Variants in TMEM184C observed in about 807,000 individuals in gnomAD.
TMEM184C encodes transmembrane protein 184C, also known as transmembrane protein 34.
TMEM184C carries 25 observed loss-of-function variants against 54.5 expected under a neutral mutation model. The observed-to-expected ratio is 0.46, with a 90% confidence interval of 0.33 to 0.64. The LOEUF (loss-of-function observed/expected upper bound fraction) is 0.64, where lower values mean the gene tolerates loss of function less well. Ranked by LOEUF, TMEM184C falls within the 30% of genes least tolerant of loss-of-function variation. The pLI, the probability that TMEM184C is intolerant of heterozygous loss-of-function variation, is 0.02. For synonymous variants in TMEM184C, 148 were observed against 181.5 expected (o/e 0.82, Z 1.49); for missense variants, 335 against 520.3 (o/e 0.64, Z 3.46).
At position 147,635,841 on chromosome 4, in the gene TMEM184C, TAAATAATGA is replaced by T. The variant is rs1733026367; in HGVS notation, c.*1417_*1425del. 2 of 152,166 alleles carry T rather than the reference TAAATAATGA, an allele frequency of 1.3e-5. No homozygotes were observed. Among genetic ancestry groups the T allele is most frequent in the South Asian group, 2.1e-4 (1 of 4,820 alleles). 9.4% of individuals were successfully genotyped at this position (152,166 alleles called of 1,614,324 possible). A position where few individuals can be genotyped will look rare whatever the true frequency, so the allele number is the denominator to read the frequency against. On this transcript the variant is annotated 3_prime_UTR_variant, in exon 10 of 10. Transcript: ENST00000296582. ...CAAAAAGCATTAGCATTTTTATACA[TAAATAATGA>T]AAATAATGACCTAACTGAAAAATTA...
chr4:147,629,178 T>C (rs1732865777), intron 5 of TMEM184C, among the ~76,000 whole-genome samples: 1 of 152,084 alleles, frequency 6.6e-6, no homozygotes, highest in Admixed American at 6.6e-5. Flanking sequence ...TCATAAAATT[T>C]ACCTCCAAGA....
chr4:147,632,977 T>C lies in TMEM184C; in HGVS notation c.854T>C (p.Val285Ala). ...SEKHTWEWQT[V>A]EAVATGLQDF... Reference sequence around the variant, plus strand: ...AAGCATACGTGGGAATGGCAAACTGTAGAAGCTGTGGCCACCGGACTCCAG... The same window carrying C: ...AAGCATACGTGGGAATGGCAAACTGCAGAAGCTGTGGCCACCGGACTCCAG... Residue 285 changes from valine to alanine, a missense_variant, in exon 8 of 10, where the codon GTA (valine) becomes GCA (alanine). Coordinates refer to ENST00000296582, the MANE Select transcript of TMEM184C (RefSeq NM_018241.3). 6.2e-7 allele frequency: 1 copy of C among 1,614,118 alleles called. No homozygotes were observed. Among genetic ancestry groups the C allele is most frequent in the Non-Finnish European group, 8.5e-7 (1 of 1,179,990 alleles).
rs755041479 is a variant in TMEM184C, at chr4:147,633,049, A to G, written c.879+47A>G. The G allele has an allele frequency of 2.6e-6, 4 of 1,538,726 alleles. No homozygotes were observed. In the Admixed American group the frequency reaches 5.1e-5, roughly 19 times the overall value. On this transcript the variant is annotated intron_variant, in intron 8 of 9. Coordinates refer to ENST00000296582, the MANE Select transcript of TMEM184C (RefSeq NM_018241.3). ...TTCAATAGAACTTTACTATTTGTTA[A>G]GCATTTTTACATATCTCCACTAAAC...
chr4:147,623,740 A>C lies in TMEM184C; in HGVS notation c.124-94A>C, dbSNP rs541990011. On this transcript the variant is annotated intron_variant, in intron 1 of 9. Coordinates refer to ENST00000296582, the MANE Select transcript of TMEM184C (RefSeq NM_018241.3). ...CGATCCTCCCACCTCGGCCTCCCCA[A>C]GTGCTAGGATTATAGGCACAAGGCA... 180 of 1,263,932 alleles carry C rather than the reference A, an allele frequency of 1.4e-4. 1 individual carries two copies. In the African/African-American group the frequency reaches 1.4e-3, roughly 10 times the overall value. 78.3% of individuals were successfully genotyped at this position (1,263,932 alleles called of 1,614,324 possible).
At position 147,624,963 on chromosome 4, in the gene TMEM184C, A is replaced by C; in HGVS notation, c.451A>C (p.Lys151Gln). 6.2e-7 allele frequency: 1 copy of C among 1,613,962 alleles called. No homozygotes were observed. The highest frequency in any genetic ancestry group is 8.5e-7 in the Non-Finnish European group (1 of 1,179,888). The change falls in exon 4 of 10, where the codon AAA becomes CAA. Residue 151 changes from lysine to glutamine, a missense_variant. Coordinates refer to ENST00000296582, the MANE Select transcript of TMEM184C (RefSeq NM_018241.3). ...AATCCTTGAAGCCAAAGATCAACAG[A>C]AACATTTCCCTCCTTTATGTTGCTG... is the stretch of plus-strand genomic sequence containing the variant. ...VLILEAKDQQ[K>Q]HFPPLCCCPP... is the part of the protein sequence containing the mutation.
chr4:147,628,863 G>A (rs913783006), intron 5 of TMEM184C, among the ~76,000 whole-genome samples: 5 of 152,100 alleles, frequency 3.3e-5, no homozygotes, highest in African/African-American at 1.2e-4. Context: ...TCAAGGCTTA[G>A]AATTGAGGTA....
rs529087530 is a variant in TMEM184C at position 147,633,130 on chromosome 4, G to A, written c.879+128G>A. On this transcript the variant is annotated intron_variant, in intron 8 of 9. Coordinates refer to ENST00000296582, the MANE Select transcript of TMEM184C (RefSeq NM_018241.3). ...CCTCACTTTACAGGTGAGAAAACAG[G>A]GGAACCCTAGAGAAATTGGCCATAA... The A allele has an allele frequency of 1.5e-4, 105 of 683,766 alleles. No individual in the cohort carries two copies. In the East Asian group the frequency reaches 2.1e-3, roughly 14 times the overall value. The allele number at this position is 683,766 out of a possible 1,614,324, so 42.4% of individuals were successfully genotyped here.
intron 7 of TMEM184C, among the ~76,000 whole-genome samples, chr4:147,632,172 CA>C (rs537342410): frequency 3.2e-4 from 40 of 123,114 alleles, no homozygotes; most frequent in African/African-American, 7.2e-4. Flanking sequence ...AACTCTGTCT[CA>C]AAAAAAAAAA....
chr4:147,633,771 A>G lies in TMEM184C; in HGVS notation c.886A>G (p.Ile296Val), dbSNP rs780003010. Residue 296 changes from isoleucine to valine, a missense_variant, in exon 9 of 10, where the codon ATT (isoleucine) becomes GTT (valine). Ile to Val is a conservative substitution (Grantham distance 29). Transcript: ENST00000296582. ...EAVATGLQDFIICIEMFLAAI... is the reference protein window; with the variant it reads ...EAVATGLQDFVICIEMFLAAI... ...CTTATTGTTGTTCTCATAGGATTTT[A>G]TTATCTGTATTGAGATGTTCCTCGC... is the stretch of plus-strand genomic sequence containing the variant. 6.4e-7 allele frequency: 1 copy of G among 1,574,264 alleles called. No homozygotes were observed. Among genetic ancestry groups the G allele is most frequent in the Non-Finnish European group, 8.6e-7 (1 of 1,157,920 alleles).
chr4:147,624,219 G>T (rs1348635458), intron 3 of TMEM184C, 121 bp downstream of exon 3: 8 of 763,598 alleles, frequency 1.0e-5, no homozygotes, highest in Non-Finnish European at 1.6e-5. Flanking sequence ...AAGTAAAAAG[G>T]TTCACTTGTT....
At chr4:147,618,352 GT>G (rs1392054055) in intron 1 of TMEM184C, among the ~76,000 whole-genome samples, 1 of 152,200 alleles carries the variant, frequency 6.6e-6, no homozygotes, top group African/African-American at 2.4e-5. Context: ...TTCCCTGAAA[GT>G]AAGGTAATTT....
intron 7 of TMEM184C, among the ~76,000 whole-genome samples, chr4:147,632,173 A>AG (rs11420098): frequency 7.0e-4 from 1 of 1,428 alleles, no homozygotes; most frequent in African/African-American, 8.7e-4. Context: ...ACTCTGTCTC[A>AG]AAAAAAAAAA....
At position 147,624,787 on chromosome 4, in the gene TMEM184C, T is replaced by C. The variant is rs1356288877; in HGVS notation, c.292-17T>C. The C allele has an allele frequency of 6.2e-7, 1 of 1,610,342 alleles. No homozygotes were observed. Among genetic ancestry groups the C allele is most frequent in the African/African-American group, 1.3e-5 (1 of 74,826 alleles). ...ATCTTAGCTGCAACTATCTTTAACA[T>C]CTGTGCTTTTTCATAGTGGATAGCT... is the stretch of plus-strand genomic sequence containing the variant. On this transcript the variant is annotated splice_polypyrimidine_tract_variant and intron_variant, in intron 3 of 9. Transcript: ENST00000296582.
intron 6 of TMEM184C, among the ~76,000 whole-genome samples, chr4:147,630,105 T>A (rs1023835999): frequency 1.3e-5 from 2 of 151,900 alleles, no homozygotes; most frequent in African/African-American, 4.8e-5. Flanking sequence ...AATAAAAATG[T>A]GAGAATAAAA....
chr4:147,629,454 G>A, intron 5 of TMEM184C, 145 bp from the exon 6 acceptor site: 1 of 579,108 alleles, frequency 1.7e-6, no homozygotes, highest in South Asian at 2.4e-5. Context: ...CAAATAAACT[G>A]ACTTCTAAAT....
chr4:147,626,545 C>T (rs1732818867), intron 4 of TMEM184C, among the ~76,000 whole-genome samples: 1 of 152,212 alleles, frequency 6.6e-6, no homozygotes, highest in Non-Finnish European at 1.5e-5. Flanking sequence ...CTATGCAGTA[C>T]AGGACCATTT....
In TMEM184C at chr4:147,618,041, G is replaced by A; in HGVS notation, c.85G>A (p.Ala29Thr). 6.2e-7 allele frequency: 1 copy of A among 1,614,186 alleles called. No individual in the cohort carries two copies. The highest frequency in any genetic ancestry group is 8.5e-7 in the Non-Finnish European group (1 of 1,180,018). ...AVIYLVSIVV[A>T]VPLCVWELQK... ...CATCTACCTGGTGTCAATAGTGGTT[G>A]CGGTTCCCCTATGCGTGTGGGAATT... The change falls in exon 1 of 10, where the codon GCG becomes ACG. Residue 29 changes from alanine to threonine, a missense_variant. Ala to Thr is a moderately conservative substitution (Grantham distance 58, BLOSUM62 0). Transcript: ENST00000296582.
chr4:147,618,434 A>C (rs1320761900), intron 1 of TMEM184C, among the ~76,000 whole-genome samples: 2 of 152,196 alleles, frequency 1.3e-5, no homozygotes, highest in Non-Finnish European at 2.9e-5. Context: ...AAAACCATGT[A>C]TTGAATTTTA....
chr4:147,623,708 C>A (rs922159543), intron 1 of TMEM184C, 126 bp from the exon 2 acceptor site: 3 of 806,560 alleles, frequency 3.7e-6, no homozygotes, highest in Non-Finnish European at 5.9e-6. Context: ...AAACTCCTGG[C>A]CTCAAGCGAT....
Sources: allele counts gnomAD v4.1 joint callset (sites outside exome capture counted in the v4.1 genomes callset), GRCh38; gene constraint gnomAD v4.1.1; transcripts MANE v1.5; gene names NCBI Gene and HGNC (gene_info 2026-07-23, HGNC 2026-07-21).